TEAD1: variants seen among roughly 807,000 people sequenced by gnomAD.
TEAD1 encodes transcriptional enhancer factor TEF-1.
A neutral mutation model predicts 54.9 loss-of-function variants in TEAD1; 9 were observed. The ratio of observed to expected loss-of-function variants is 0.16; its 90% CI spans 0.10 to 0.29. TEAD1 has a LOEUF of 0.29. Ranked by LOEUF, TEAD1 falls within the 10% of genes least tolerant of loss-of-function variation. TEAD1 has a pLI of 1.00. For missense variants in TEAD1, 387 were observed against 535.9 expected, an observed-to-expected ratio of 0.72 and a Z score of 2.74; for synonymous variants, 200 against 187.8, an observed-to-expected ratio of 1.07 and a Z score of -0.53.
chr11:12,815,520 T>C (rs902246592), intron 3 of TEAD1, among the ~76,000 whole-genome samples: 3 of 152,210 alleles, frequency 2.0e-5, no homozygotes, highest in African/African-American at 7.2e-5. Context: ...ACACAGTGTG[T>C]AACCATATGT....
At chr11:12,800,467 G>T (rs1422664779) in intron 3 of TEAD1, among the ~76,000 whole-genome samples, 1 of 152,288 alleles carries the variant, frequency 6.6e-6, no homozygotes, top group Non-Finnish European at 1.5e-5. Context: ...ACCAGCTGGG[G>T]AGACTGACAG....
At chr11:12,720,228 A>G (rs1564917795) in intron 2 of TEAD1, among the ~76,000 whole-genome samples, 1 of 151,926 alleles carries the variant, frequency 6.6e-6, no homozygotes, top group African/African-American at 2.4e-5. Context: ...AAAAAGTTAG[A>G]TCTCTAGAGA....
intron 10 of TEAD1, among the ~76,000 whole-genome samples, chr11:12,908,883 G>GTTTTGTTTTTTTT (rs1948565436): frequency 2.0e-5 from 2 of 99,662 alleles, no homozygotes; most frequent in African/African-American, 6.4e-5. Flanking sequence ...CAAATTATCT[G>GTTTTGTTTTTTTT]TTTTTTTTTT....
At chr11:12,719,501 G>A (rs1436407764) in intron 2 of TEAD1, among the ~76,000 whole-genome samples, 1 of 138,448 alleles carries the variant, frequency 7.2e-6, no homozygotes, top group Non-Finnish European at 1.5e-5. Flanking sequence ...CTTAAGCTAT[G>A]CTCCTTGCTT....
At position 12,873,915 on chromosome 11, in the gene TEAD1, T is replaced by C. The variant is rs572407445; in HGVS notation, c.331-5793T>C. Among the ~76,000 whole-genome samples, 3 of 152,356 alleles carry C rather than the reference T, an allele frequency of 2.0e-5. No individual in the cohort carries two copies. The South Asian group carries it at 6.2e-4, about 32-fold the overall frequency. On this transcript the variant is annotated intron_variant, in intron 5 of 12. Coordinates refer to ENST00000527636, the MANE Select transcript of TEAD1 (RefSeq NM_021961.6). ...CTGAAAAAGTGATTGTGCAAGCAAA[T>C]TGCTGTCTTTCCTCCCTTGCACTAT...
chr11:12,829,735 T>G (rs543467671), intron 3 of TEAD1, among the ~76,000 whole-genome samples: 1 of 152,300 alleles, frequency 6.6e-6, no homozygotes, highest in Admixed American at 6.5e-5. Context: ...GTGAACTCAG[T>G]CAGGTGTTTA....
At chr11:12,808,295 G>A (rs1226832489) in intron 3 of TEAD1, among the ~76,000 whole-genome samples, 3 of 152,054 alleles carry the variant, frequency 2.0e-5, no homozygotes, top group East Asian at 1.9e-4. Flanking sequence ...GGGATGGGAC[G>A]TGGAACAGGG....
chr11:12,922,030 C>T (rs1948815833), intron 10 of TEAD1, among the ~76,000 whole-genome samples: 1 of 152,066 alleles, frequency 6.6e-6, no homozygotes, highest in African/African-American at 2.4e-5. Context: ...CGGATAAGTA[C>T]AAGTTAAAGC....
At chr11:12,908,365 C>T (rs1948555686) in intron 10 of TEAD1, among the ~76,000 whole-genome samples, 1 of 152,186 alleles carries the variant, frequency 6.6e-6, no homozygotes, top group South Asian at 2.1e-4. Context: ...TTCCCCTGCC[C>T]TGCCCATGGA....
At chr11:12,856,734 A>G (rs1947390321) in intron 3 of TEAD1, among the ~76,000 whole-genome samples, 1 of 152,188 alleles carries the variant, frequency 6.6e-6, no homozygotes, top group East Asian at 1.9e-4. Context: ...CTTCCCAGTG[A>G]AGGGAAAGGG....
At chr11:12,713,218 T>A (rs959804491) in intron 2 of TEAD1, among the ~76,000 whole-genome samples, 1 of 151,994 alleles carries the variant, frequency 6.6e-6, no homozygotes, top group African/African-American at 2.4e-5. Flanking sequence ...TGAGGTCTTG[T>A]CATGTTGCCC....
At chr11:12,874,548 T>A (rs891097555) in intron 5 of TEAD1, among the ~76,000 whole-genome samples, 2 of 152,234 alleles carry the variant, frequency 1.3e-5, no homozygotes, top group Middle Eastern at 6.3e-3. Flanking sequence ...CTTAGAACAA[T>A]AACAATTTGT....
chr11:12,936,773 T>C (rs1949108390), intron 12 of TEAD1, among the ~76,000 whole-genome samples: 1 of 152,206 alleles, frequency 6.6e-6, no homozygotes, highest in Non-Finnish European at 1.5e-5. Context: ...AATGATTGCC[T>C]TGCGGGACAG....
chr11:12,784,609 T>C (rs1226928547), intron 3 of TEAD1, among the ~76,000 whole-genome samples: 1 of 152,196 alleles, frequency 6.6e-6, no homozygotes, highest in Non-Finnish European at 1.5e-5. Flanking sequence ...GTTTACTAAG[T>C]GTGCTGAAGT....
At chr11:12,800,680 AAAAG>A (rs1250313655) in intron 3 of TEAD1, among the ~76,000 whole-genome samples, 3 of 152,212 alleles carry the variant, frequency 2.0e-5, no homozygotes, top group African/African-American at 4.8e-5. Flanking sequence ...AAAAAAATGA[AAAAG>A]AGCCTCAAGG....
chr11:12,730,227 T>C (rs1182458321), intron 2 of TEAD1, among the ~76,000 whole-genome samples: 1 of 152,076 alleles, frequency 6.6e-6, no homozygotes, highest in East Asian at 1.9e-4. Flanking sequence ...TATAGCACTT[T>C]ATTGTTTACA....
At chr11:12,841,962 C>T (rs1475778844) in intron 3 of TEAD1, among the ~76,000 whole-genome samples, 1 of 152,054 alleles carries the variant, frequency 6.6e-6, no homozygotes, top group Non-Finnish European at 1.5e-5. Flanking sequence ...TCCTATAAAC[C>T]TCAAGGTTAC....
intron 2 of TEAD1, among the ~76,000 whole-genome samples, chr11:12,702,600 T>C (rs1177907118): frequency 1.3e-5 from 2 of 152,160 alleles, no homozygotes; most frequent in Non-Finnish European, 2.9e-5. Context: ...GAGCGGCTCC[T>C]CCAGCAGCAC....
intron 3 of TEAD1, among the ~76,000 whole-genome samples, chr11:12,783,012 G>A (rs1945589950): frequency 6.6e-6 from 1 of 151,902 alleles, no homozygotes; most frequent in Non-Finnish European, 1.5e-5. Context: ...TCACTAAACA[G>A]TATCTTCTTC....
Sources: allele counts gnomAD v4.1 joint callset (sites outside exome capture counted in the v4.1 genomes callset), GRCh38; gene constraint gnomAD v4.1.1; transcripts MANE v1.5; gene names NCBI Gene and HGNC (gene_info 2026-07-23, HGNC 2026-07-21).